Variants in SLC45A3 observed in about 807,000 individuals in gnomAD.
SLC45A3 encodes the protein prostate cancer associated protein 2.
A neutral mutation model predicts 35.3 loss-of-function variants in SLC45A3; 17 were observed. The ratio of observed to expected loss-of-function variants is 0.48; its 90% CI spans 0.33 to 0.72. The LOEUF is 0.72. Among genes scored for constraint, SLC45A3 ranks in the 30% least tolerant of loss-of-function variants. SLC45A3 has a pLI of 0.02. For missense variants in SLC45A3, 597 were observed against 731.7 expected, an observed-to-expected ratio of 0.82 and a Z score of 2.12; for synonymous variants, 288 against 334.3, an observed-to-expected ratio of 0.86 and a Z score of 1.51.
At chr1:205,670,111 C>T (rs1028311468) in intron 1 of SLC45A3, among the ~76,000 whole-genome samples, 2 of 152,204 alleles carry the variant, frequency 1.3e-5, no homozygotes, top group African/African-American at 4.8e-5. Flanking sequence ...CCACGAGCCC[C>T]ACCCTCACGG....
Position 205,662,862 on chromosome 1 carries a change from C to G in SLC45A3, c.929G>C (p.Gly310Ala). Residue 310 changes from glycine (G) to alanine (A), a missense_variant, in exon 3 of 5, where the codon GGC (glycine) becomes GCC (alanine). Physicochemically the swap from Gly to Ala is moderately conservative, Grantham distance 60. Transcript: ENST00000367145. This position sits in a 1 kb window ranked among gnomAD's most constrained non-coding sequence, Gnocchi z 6.2. ...LYQGVPRAEPGTEARRHYDEG... is the reference protein window; with the variant it reads ...LYQGVPRAEPATEARRHYDEG... The stretch of plus-strand genomic sequence containing the variant: ...ATCATAGTGTCTCCGGGCCTCGGTG[C>G]CCGGCTCAGCTCTGGGCACGCCCTG... 2 of 1,603,852 alleles carry G rather than the reference C, an allele frequency of 1.2e-6. No homozygotes were observed. Among genetic ancestry groups the G allele is most frequent in the Non-Finnish European group, 1.7e-6 (2 of 1,174,040 alleles).
intron 1 of SLC45A3, among the ~76,000 whole-genome samples, chr1:205,675,719 A>G (rs1469458203): frequency 6.6e-6 from 1 of 152,002 alleles, no homozygotes; most frequent in East Asian, 1.9e-4. Flanking sequence ...TTTGCTTCCA[A>G]GGTGGTCACC....
At position 205,662,370 on chromosome 1, in the gene SLC45A3, G is replaced by A; in HGVS notation, c.959-244C>T. 1.4e-6 allele frequency: 2 copies of A among 1,395,210 alleles called. No individual in the cohort carries two copies. The highest frequency in any genetic ancestry group is 1.9e-6 in the Non-Finnish European group (2 of 1,078,704). 86.4% of individuals were successfully genotyped at this position (1,395,210 alleles called of 1,614,324 possible). On this transcript the variant is annotated intron_variant, in intron 3 of 4. Transcript: ENST00000367145. The surrounding 1 kb of genome is among the most constrained non-coding windows in gnomAD (Gnocchi z 6.2). ...GAGGAAGGTAGTCTGAAGGTTTCCT[G>A]GGAGTCTCAGCTGTGAGGACAGGCG...
chr1:205,662,327 C>T lies in SLC45A3; in HGVS notation c.959-201G>A, dbSNP rs1671041817. On this transcript the variant is annotated intron_variant, in intron 3 of 4. Coordinates refer to ENST00000367145, the MANE Select transcript of SLC45A3 (RefSeq NM_033102.3). This position sits in a 1 kb window ranked among gnomAD's most constrained non-coding sequence, Gnocchi z 6.2. ...ACTGACCCTCAGAGAATGTGGGCAA[C>T]GCCCCTTGCTGAAGGCAGAGGAAGG... 2.0e-5 allele frequency: 28 copies of T among 1,418,114 alleles called. No individual in the cohort carries two copies. In the South Asian group the frequency reaches 2.8e-4, roughly 14 times the overall value. The allele number at this position is 1,418,114 out of a possible 1,614,324, so 87.8% of individuals were successfully genotyped here.
At chr1:205,675,262 G>A (rs1182607044) in intron 1 of SLC45A3, among the ~76,000 whole-genome samples, 1 of 152,188 alleles carries the variant, frequency 6.6e-6, no homozygotes, top group Admixed American at 6.5e-5. Context: ...TTGATCACCA[G>A]TTCTTACCTA....
intron 1 of SLC45A3, among the ~76,000 whole-genome samples, chr1:205,667,323 G>A (rs561480662): frequency 4.1e-4 from 62 of 152,196 alleles, no homozygotes; most frequent in African/African-American, 1.4e-3. Context: ...CCCGGCCAAC[G>A]TGGTGAAACC....
chr1:205,665,031 G>C, intron 1 of SLC45A3, 145 bp from the exon 2 acceptor site: 1 of 646,764 alleles, frequency 1.5e-6, no homozygotes, highest in Non-Finnish European at 2.1e-6. Context: ...CTTCTGCCCA[G>C]TCAGGAAATG....
At chr1:205,660,009 T>C (rs961565091) in intron 4 of SLC45A3, among the ~76,000 whole-genome samples, 26 of 152,086 alleles carry the variant, frequency 1.7e-4, no homozygotes, top group Admixed American at 9.8e-4. Flanking sequence ...ACAGGGGGAA[T>C]GAAGACGGTG....
chr1:205,675,194 C>T (rs1346376788), intron 1 of SLC45A3, among the ~76,000 whole-genome samples: 2 of 152,306 alleles, frequency 1.3e-5, no homozygotes, highest in East Asian at 3.9e-4. Flanking sequence ...TGGGGTAGGA[C>T]CCCTCTGCAA....
intron 1 of SLC45A3, among the ~76,000 whole-genome samples, chr1:205,675,419 C>T (rs1033133478): frequency 6.6e-6 from 1 of 152,176 alleles, no homozygotes; most frequent in African/African-American, 2.4e-5. Flanking sequence ...GGAGATCAGA[C>T]AGAAACTTTG....
chr1:205,680,072 G>A (rs1671379931), intron 1 of SLC45A3, among the ~76,000 whole-genome samples: 1 of 150,234 alleles, frequency 6.7e-6, no homozygotes, highest in Admixed American at 6.6e-5. Flanking sequence ...CTCCGGGGAG[G>A]GGCCGCTCCC....
chr1:205,672,057 T>C (rs1370121090), intron 1 of SLC45A3, among the ~76,000 whole-genome samples: 3 of 152,164 alleles, frequency 2.0e-5, no homozygotes, highest in East Asian at 1.9e-4. Context: ...ACCAACTTCA[T>C]AGATGTGGAG....
intron 1 of SLC45A3, among the ~76,000 whole-genome samples, chr1:205,670,656 C>T (rs1553248152): frequency 1.3e-5 from 2 of 152,238 alleles, no homozygotes; most frequent in African/African-American, 2.4e-5. Flanking sequence ...AAGCCTTCTG[C>T]TTAGCAGCTT....
At position 205,657,867 on chromosome 1, in the gene SLC45A3, C is replaced by G. The variant is rs34244565; in HGVS notation, c.*1367G>C. ...ACATGCCAATAAACATATAAGAAAGCCTTTAATTTTGTCACCATAAACATT... is the reference window on the plus strand; with the variant it reads ...ACATGCCAATAAACATATAAGAAAGGCTTTAATTTTGTCACCATAAACATT... On this transcript the variant is annotated 3_prime_UTR_variant, in exon 5 of 5. Coordinates refer to ENST00000367145, the MANE Select transcript of SLC45A3 (RefSeq NM_033102.3). 17,147 of 196,068 alleles carry G rather than the reference C, an allele frequency of 0.087. 1,241 individuals are homozygous for G. Among genetic ancestry groups the G allele is most frequent in the East Asian group, 0.33 (4,044 of 12,438 alleles). 12.1% of individuals were successfully genotyped at this position (196,068 alleles called of 1,614,324 possible).
chr1:205,664,668 C>G lies in SLC45A3; in HGVS notation c.-12G>C, dbSNP rs201918312. The stretch of plus-strand genomic sequence containing the variant: ...AGCCTCTGGACCATAGTGGGCCAGG[C>G]GGGTAGGGCTCAGGGGGCCGTTCAG... On this transcript the variant is annotated 5_prime_UTR_variant, in exon 2 of 5. Coordinates refer to ENST00000367145, the MANE Select transcript of SLC45A3 (RefSeq NM_033102.3). The surrounding 1 kb of genome is among the most constrained non-coding windows in gnomAD (Gnocchi z 5.3). The G allele has an allele frequency of 2.5e-6, 4 of 1,612,738 alleles. No individual in the cohort carries two copies. Among genetic ancestry groups the G allele is most frequent in the South Asian group, 2.2e-5 (2 of 90,940 alleles).
In SLC45A3 at chr1:205,664,782, C is replaced by T. The variant is rs752788923; in HGVS notation, c.-126G>A. 2.5e-5 allele frequency: 36 copies of T among 1,452,714 alleles called. No individual in the cohort carries two copies. Among genetic ancestry groups the T allele is most frequent in the African/African-American group, 1.1e-4 (8 of 70,522 alleles). The allele number at this position is 1,452,714 out of a possible 1,614,324, so 90.0% of individuals were successfully genotyped here. On this transcript the variant is annotated 5_prime_UTR_variant, in exon 2 of 5. Coordinates refer to ENST00000367145, the MANE Select transcript of SLC45A3 (RefSeq NM_033102.3). This position sits in a 1 kb window ranked among gnomAD's most constrained non-coding sequence, Gnocchi z 5.3. Reference sequence around the variant, plus strand: ...GCCAACTGCCTAGGAATCAGCCAGGCGCCCATTTCTGCCAGCCCTTTGGTG... The same window carrying T: ...GCCAACTGCCTAGGAATCAGCCAGGTGCCCATTTCTGCCAGCCCTTTGGTG...
intron 1 of SLC45A3, among the ~76,000 whole-genome samples, chr1:205,672,056 A>G (rs572017823): frequency 6.6e-6 from 1 of 152,306 alleles, no homozygotes; most frequent in South Asian, 2.1e-4. Flanking sequence ...CACCAACTTC[A>G]TAGATGTGGA....
intron 1 of SLC45A3, among the ~76,000 whole-genome samples, chr1:205,674,923 C>G (rs937783843): frequency 5.3e-5 from 8 of 152,084 alleles, no homozygotes; most frequent in Admixed American, 5.2e-4. Context: ...ACTGTGTTGG[C>G]CAGGCTGGTC....
At chr1:205,678,573 T>C (rs1157885666) in intron 1 of SLC45A3, among the ~76,000 whole-genome samples, 1 of 152,090 alleles carries the variant, frequency 6.6e-6, no homozygotes, top group East Asian at 1.9e-4. Context: ...TCCTCCTCCT[T>C]CAACGTTATT....
Sources: allele counts gnomAD v4.1 joint callset (sites outside exome capture counted in the v4.1 genomes callset), GRCh38; gene constraint gnomAD v4.1.1; non-coding constraint Gnocchi (gnomAD v3.1); transcripts MANE v1.5; gene names NCBI Gene and HGNC (gene_info 2026-07-23, HGNC 2026-07-21).